The following PCNX3 variants were observed in gnomAD, a reference collection of about 807,000 sequenced individuals.
PCNX3 encodes pecanex-like protein 3.
Under a neutral mutation model 207.2 loss-of-function variants are expected in PCNX3, and 58 were observed. The ratio of observed to expected loss-of-function variants is 0.28; its 90% CI spans 0.23 to 0.35. The LOEUF (loss-of-function observed/expected upper bound fraction) is 0.35. Among genes scored for constraint, PCNX3 ranks in the 10% least tolerant of loss-of-function variants. The probability of loss-of-function intolerance (pLI) is 1.00; values close to 1 mark genes in which losing one functional copy is unlikely to be tolerated. For missense variants in PCNX3, 2,410 were observed against 2,774.4 expected (o/e 0.87, Z 2.95); for synonymous variants, 1,337 against 1,183.5 (o/e 1.13, Z -2.66).
rs367908899 is a variant in PCNX3, at chr11:65,617,524, T to C, written c.481+15T>C. 2.5e-6 allele frequency: 4 copies of C among 1,613,822 alleles called. No individual in the cohort carries two copies. The highest frequency in any genetic ancestry group is 3.4e-6 in the Non-Finnish European group (4 of 1,179,886). ...GCCCCTTAGAGGTAGGTGGCTGCTC[T>C]TCAGGGTTGGAGCATAGTGCTGTGG... On this transcript the variant is annotated intron_variant, in intron 4 of 34. Transcript: ENST00000355703.
At chr11:65,620,517 C>T in intron 9 of PCNX3, 88 bp downstream of exon 9, 1 of 1,437,168 alleles carries the variant, frequency 7.0e-7, no homozygotes, top group Non-Finnish European at 9.5e-7. Flanking sequence ...TGCTCTCTTC[C>T]TGCTGGGCTT....
Position 65,618,934 on chromosome 11 carries a change from G to C in PCNX3, c.1572G>C (p.Glu524Asp), listed in dbSNP as rs767423997. The change falls in exon 6 of 35, where the codon GAG becomes GAC. Residue 524 changes from glutamate to aspartate, a missense_variant. Physicochemically the swap from Glu to Asp is conservative, Grantham distance 45 (BLOSUM62 2). Transcript: ENST00000355703. ...LRPPLAGCKA[E>D]LEAQVGVEQA... Reference sequence around the variant, plus strand: ...CCCCACTGGCTGGCTGCAAGGCAGAGCTGGAGGCCCAGGTTGGGGTGGAGC... The same window carrying C: ...CCCCACTGGCTGGCTGCAAGGCAGACCTGGAGGCCCAGGTTGGGGTGGAGC... 1 of 1,606,920 alleles carries C rather than the reference G, an allele frequency of 6.2e-7. No homozygotes were observed. Among genetic ancestry groups the C allele is most frequent in the Non-Finnish European group, 8.5e-7 (1 of 1,177,938 alleles).
rs774630778 is a variant in PCNX3 at position 65,616,350 on chromosome 11, G to A, written c.39G>A (p.Val13=). The change falls in exon 1 of 35, where the codon GTG becomes GTA. Residue 13 remains valine, a synonymous_variant. Transcript: ENST00000355703. ...SQVLQILRQG[V]WASLTGGWFF... is the part of the protein sequence containing the mutation. The stretch of plus-strand genomic sequence containing the variant: ...TGTTGCAGATCCTGCGCCAGGGGGT[G>A]TGGGCCTCGCTCACCGGCGGTTGGT... 3.7e-6 allele frequency: 6 copies of A among 1,607,598 alleles called. No homozygotes were observed. The highest frequency in any genetic ancestry group is 1.3e-5 in the African/African-American group (1 of 74,992).
chr11:65,626,513 T>G, intron 20 of PCNX3: 1 of 402,932 alleles, frequency 2.5e-6, no homozygotes, highest in Non-Finnish European at 4.7e-6. Context: ...CGACAGAAGA[T>G]TTTGCTTCCC....
intron 8 of PCNX3, 50 bp from the exon 9 acceptor site, chr11:65,620,289 T>C (rs933843792): frequency 6.4e-7 from 1 of 1,560,276 alleles, no homozygotes; most frequent in Non-Finnish European, 8.7e-7. Flanking sequence ...AGCCGGGCCT[T>C]GGTGCTTCTG....
In PCNX3 at chr11:65,627,688, G is replaced by C. The variant is rs578066412; in HGVS notation, c.3702+106G>C. 4.5e-4 allele frequency: 620 copies of C among 1,373,048 alleles called. 2 individuals carry two copies. In the African/African-American group the frequency reaches 7.7e-3, roughly 17 times the overall value. The allele number at this position is 1,373,048 out of a possible 1,614,324, so 85.1% of individuals were successfully genotyped here. On this transcript the variant is annotated intron_variant, in intron 22 of 34. Coordinates refer to ENST00000355703, the MANE Select transcript of PCNX3 (RefSeq NM_032223.4). ...CCTGAGGGCCTGTGGCCACCGCTCT[G>C]TATCAGCCCCGTGGGCCTTTGCAGC...
chr11:65,629,573 C>T lies in PCNX3; in HGVS notation c.4054C>T (p.Leu1352=). The T allele has an allele frequency of 6.2e-7, 1 of 1,613,592 alleles. No individual in the cohort carries two copies. The highest frequency in any genetic ancestry group is 8.5e-7 in the Non-Finnish European group (1 of 1,179,810). ...SIFYEHLTRS[L]QHTLCGDLVL... ...CTTCTATGAGCACTTGACACGTTCGCTGCAGCACACACTGTGTGGGGACCT... is the reference window on the plus strand; with the variant it reads ...CTTCTATGAGCACTTGACACGTTCGTTGCAGCACACACTGTGTGGGGACCT... Residue 1352 remains leucine (L), a synonymous_variant, in exon 26 of 35, where the codon CTG becomes TTG. Coordinates refer to ENST00000355703, the MANE Select transcript of PCNX3 (RefSeq NM_032223.4).
intron 23 of PCNX3, 47 bp from the exon 24 acceptor site, chr11:65,628,772 G>T: frequency 6.2e-7 from 1 of 1,604,948 alleles, no homozygotes; most frequent in Non-Finnish European, 8.5e-7. Flanking sequence ...GGGGTGGTGG[G>T]GGGCTGGGAG....
At position 65,629,652 on chromosome 11, in the gene PCNX3, C is replaced by G; in HGVS notation, c.4133C>G (p.Ser1378Cys). Residue 1378 changes from serine to cysteine, a missense_variant, in exon 26 of 35, where the codon TCT (serine) becomes TGT (cysteine). Coordinates refer to ENST00000355703, the MANE Select transcript of PCNX3 (RefSeq NM_032223.4). ...CCTGGTGACTGCTTCGTCCTGGCCT[C>G]TGACTACCTCAACGCCCTGGTGCAC... ...YGPGDCFVLA[S>C]DYLNALVHLI... The G allele has an allele frequency of 1.9e-6, 3 of 1,592,926 alleles. No individual in the cohort carries two copies.
chr11:65,635,868 G>C lies in PCNX3; in HGVS notation c.5459+65G>C, dbSNP rs1220572144. On this transcript the variant is annotated intron_variant, in intron 32 of 34. Transcript: ENST00000355703. This position sits in a 1 kb window ranked among gnomAD's most constrained non-coding sequence, Gnocchi z 9.9. ...AGCTGAGGTGCAGTACGTCCCTCCT[G>C]GGTCTCAGAGGGAGGACGTGCTGGA... 6.6e-7 allele frequency: 1 copy of C among 1,508,946 alleles called. No individual in the cohort carries two copies. The highest frequency in any genetic ancestry group is 8.9e-7 in the Non-Finnish European group (1 of 1,127,116). The allele number at this position is 1,508,946 out of a possible 1,614,324, so 93.5% of individuals were successfully genotyped here.
In PCNX3 at chr11:65,636,972, G is replaced by C. The variant is rs1291301191; in HGVS notation, c.6099G>C (p.Gln2033His). 4.5e-6 allele frequency: 7 copies of C among 1,569,090 alleles called. No individual in the cohort carries two copies. The highest frequency in any genetic ancestry group is 6.0e-6 in the Non-Finnish European group (7 of 1,159,290). ...SPAAQPLLEH[Q>H]Y ...CAGCCCAGCCCCTGCTGGAACACCA[G>C]TACTGAGCTACCTGGCGCCCACTGG... Residue 2033 changes from glutamine to histidine, a missense_variant, in exon 35 of 35, where the codon CAG (glutamine) becomes CAC (histidine). Physicochemically the swap from Gln to His is conservative, Grantham distance 24. This residue lies in a region of PCNX3 where 278 missense variants were observed against 245.1 expected (regional missense o/e 1.13). Transcript: ENST00000355703.
At chr11:65,628,769 T>TGGGGGGGGGGG in intron 23 of PCNX3, 50 bp from the exon 24 acceptor site, 3 of 299,564 alleles carry the variant, frequency 1.0e-5, no homozygotes, top group East Asian at 7.8e-5. Flanking sequence ...TGGGGGGTGG[T>TGGGGGGGGGGG]GGGGGGCTGG....
At position 65,635,457 on chromosome 11, in the gene PCNX3, G is replaced by C. The variant is rs369833875; in HGVS notation, c.5184+9G>C. ...GCTTCCGAGTCATCAAGGTTGGGCC[G>C]GCCCCACCTGCCCTAAGCCCTGCCC... On this transcript the variant is annotated intron_variant, in intron 31 of 34. Transcript: ENST00000355703. The surrounding 1 kb of genome is among the most constrained non-coding windows in gnomAD (Gnocchi z 9.9). The C allele has an allele frequency of 6.2e-7, 1 of 1,608,330 alleles. No homozygotes were observed. The highest frequency in any genetic ancestry group is 1.1e-5 in the South Asian group (1 of 90,806).
chr11:65,624,879 G>A, intron 15 of PCNX3, 46 bp from the exon 16 acceptor site: 1 of 1,551,906 alleles, frequency 6.4e-7, no homozygotes, highest in Non-Finnish European at 8.8e-7. Flanking sequence ...GTTGAGGTGG[G>A]GTACCTGCAA....
chr11:65,635,889 C>A lies in PCNX3; in HGVS notation c.5459+86C>A. 4.1e-6 allele frequency: 6 copies of A among 1,471,438 alleles called. No homozygotes were observed. Among genetic ancestry groups the A allele is most frequent in the Non-Finnish European group, 3.6e-6 (4 of 1,107,050 alleles). The allele number at this position is 1,471,438 out of a possible 1,614,324, so 91.1% of individuals were successfully genotyped here. A position where few individuals can be genotyped will look rare whatever the true frequency, so the allele number is the denominator to read the frequency against. Reference sequence around the variant, plus strand: ...TCCTGGGTCTCAGAGGGAGGACGTGCTGGAGCCAGGGCTTGAATCCCGAGA... The same window carrying A: ...TCCTGGGTCTCAGAGGGAGGACGTGATGGAGCCAGGGCTTGAATCCCGAGA... On this transcript the variant is annotated intron_variant, in intron 32 of 34. Transcript: ENST00000355703. The surrounding 1 kb of genome is among the most constrained non-coding windows in gnomAD (Gnocchi z 9.9).
intron 24 of PCNX3, 23 bp from the exon 25 acceptor site, chr11:65,629,334 C>T (rs746037636): frequency 6.2e-7 from 1 of 1,605,724 alleles, no homozygotes; most frequent in Non-Finnish European, 8.5e-7. Context: ...GGCCAACCGC[C>T]TTGTTGCACT....
rs748255188 is a variant in PCNX3, at chr11:65,616,422, T to C, written c.111T>C (p.Tyr37=). The C allele has an allele frequency of 3.1e-5, 50 of 1,610,028 alleles. No homozygotes were observed. The Admixed American group carries it at 7.5e-4, about 24-fold the overall frequency. Residue 37 remains tyrosine (Y), a synonymous_variant, in exon 1 of 35, where the codon TAT becomes TAC. Transcript: ENST00000355703. ...QSTFSNCFHL[Y]VWIFLLIFPF... is the part of the protein sequence containing the mutation. ...CCTTCTCCAACTGCTTCCACCTCTA[T>C]GTCTGGATCTTCCTGCTCATCTTTC... is the stretch of plus-strand genomic sequence containing the variant.
rs1312556629 is a variant in PCNX3, at chr11:65,619,991, GTCC to G, written c.2008+64_2008+66del. On this transcript the variant is annotated intron_variant, in intron 8 of 34. Coordinates refer to ENST00000355703, the MANE Select transcript of PCNX3 (RefSeq NM_032223.4). The stretch of plus-strand genomic sequence containing the variant: ...TCCCCGCCTTCCCCCAACAGCCTGA[GTCC>G]TCCTAGCAGTGGTGCTCGCTCGGCC... The G allele has an allele frequency of 1.4e-5, 21 of 1,515,294 alleles. No individual in the cohort carries two copies. The South Asian group carries it at 1.6e-4, about 12-fold the overall frequency. 93.9% of individuals were successfully genotyped at this position (1,515,294 alleles called of 1,614,324 possible).
chr11:65,620,685 T>C, intron 9 of PCNX3, 146 bp from the exon 10 acceptor site: 1 of 1,160,648 alleles, frequency 8.6e-7, no homozygotes, highest in South Asian at 1.5e-5. Flanking sequence ...GAGGCACTTC[T>C]GCCACCTGAC....
Sources: allele counts gnomAD v4.1 joint callset, GRCh38; gene constraint gnomAD v4.1.1; regional missense constraint gnomAD v4.1.1; non-coding constraint Gnocchi (gnomAD v3.1); transcripts MANE v1.5; gene names NCBI Gene and HGNC (gene_info 2026-07-23, HGNC 2026-07-21).